CDIN1: variants seen among roughly 807,000 people sequenced by gnomAD.
The protein encoded by CDIN1 is CDAN1-interacting nuclease 1.
Under a neutral mutation model 45.3 loss-of-function variants are expected in CDIN1, and 33 were observed. The observed-to-expected ratio is 0.73, with a 90% CI of 0.55 to 0.97. The LOEUF is 0.97. Ranked by LOEUF, CDIN1 falls within the 50% of genes least tolerant of loss-of-function variation. The probability of loss-of-function intolerance (pLI) is 0.00; values close to 1 mark genes in which losing one functional copy is unlikely to be tolerated. For synonymous variants in CDIN1, 118 were observed against 124.4 expected (o/e 0.95, Z 0.34); for missense variants, 303 against 339.4 (o/e 0.89, Z 0.84).
At chr15:36,784,120 A>G (rs1015522992) in intron 10 of CDIN1, among the ~76,000 whole-genome samples, 1 of 152,212 alleles carries the variant, frequency 6.6e-6, no homozygotes, top group African/African-American at 2.4e-5. Flanking sequence ...AAGGCTGAAA[A>G]TATGCATTTT....
chr15:36,619,519 C>CTAT, intron 1 of CDIN1, among the ~76,000 whole-genome samples: 2 of 150,642 alleles, frequency 1.3e-5, no homozygotes, highest in South Asian at 2.1e-4. Context: ...ATCTATCTAT[C>CTAT]CATCCATCCA....
chr15:36,632,003 T>A (rs1423216096), intron 1 of CDIN1, among the ~76,000 whole-genome samples: 1 of 152,002 alleles, frequency 6.6e-6, no homozygotes, highest in Non-Finnish European at 1.5e-5. Context: ...GCTAGCTTTT[T>A]AAGGAATTTT....
At chr15:36,655,750 G>A (rs963588870) in intron 4 of CDIN1, among the ~76,000 whole-genome samples, 3 of 152,162 alleles carry the variant, frequency 2.0e-5, no homozygotes, top group Non-Finnish European at 4.4e-5. Context: ...GAATAAGCTA[G>A]CAGCATTCCA....
rs191176843 is a variant in CDIN1 at position 36,760,928 on chromosome 15, C to A, written c.717-47396C>A. On this transcript the variant is annotated intron_variant, in intron 10 of 10. Coordinates refer to ENST00000566621, the MANE Select transcript of CDIN1 (RefSeq NM_001321759.2). ...TCTGCAAGTAGTGTGTAAGTATGCC[C>A]ATTTCTCAGCACCCTGGCCCAAGTC... Among the ~76,000 whole-genome samples the A allele has an allele frequency of 1.9e-4, 29 of 152,252 alleles. No homozygotes were observed. In the East Asian group the frequency reaches 5.6e-3, roughly 29 times the overall value.
At chr15:36,638,888 A>G (rs1182615463) in intron 1 of CDIN1, among the ~76,000 whole-genome samples, 1 of 152,226 alleles carries the variant, frequency 6.6e-6, no homozygotes, top group African/African-American at 2.4e-5. Flanking sequence ...TGCAGAACTC[A>G]TTTCTGGGAA....
intron 1 of CDIN1, among the ~76,000 whole-genome samples, chr15:36,605,335 A>C (rs73379840): frequency 6.6e-6 from 1 of 152,310 alleles, no homozygotes; most frequent in Non-Finnish European, 1.5e-5. Flanking sequence ...TAAAGTTTAT[A>C]TAAATCAATA....
In CDIN1 at chr15:36,808,749, T is replaced by G; in HGVS notation, c.*296T>G. On this transcript the variant is annotated 3_prime_UTR_variant, in exon 11 of 11. Coordinates refer to ENST00000566621, the MANE Select transcript of CDIN1 (RefSeq NM_001321759.2). Reference sequence around the variant, plus strand: ...TAATCTTTCTTTCTTCCGGATGGTTTATCCTTGTATGCTGAACAAAAGAAA... The same window carrying G: ...TAATCTTTCTTTCTTCCGGATGGTTGATCCTTGTATGCTGAACAAAAGAAA... 4.4e-6 allele frequency: 2 copies of G among 453,686 alleles called. No homozygotes were observed. Among genetic ancestry groups the G allele is most frequent in the Non-Finnish European group, 8.4e-6 (2 of 239,292 alleles). 28.1% of individuals were successfully genotyped at this position (453,686 alleles called of 1,614,324 possible). A position where few individuals can be genotyped will look rare whatever the true frequency, so the allele number is the denominator to read the frequency against.
chr15:36,589,598 T>C (rs1371811743), intron 1 of CDIN1, among the ~76,000 whole-genome samples: 7 of 151,538 alleles, frequency 4.6e-5, no homozygotes, highest in South Asian at 2.1e-4. Flanking sequence ...CTCCGCCTCC[T>C]GGGTTCACGC....
At chr15:36,709,185 A>G (rs1231918381) in intron 8 of CDIN1, 38 bp from the exon 9 acceptor site, 1 of 1,528,904 alleles carries the variant, frequency 6.5e-7, no homozygotes, top group Non-Finnish European at 8.9e-7. Flanking sequence ...TGTTAATTGA[A>G]TAGTGTTTTA....
At chr15:36,595,341 A>ATAATATAATATAATATAAT in intron 1 of CDIN1, among the ~76,000 whole-genome samples, 1 of 120,480 alleles carries the variant, frequency 8.3e-6, no homozygotes, top group South Asian at 2.9e-4. Flanking sequence ...TATAATATAA[A>ATAATATAATATAATATAAT]ATAATATGAT....
Position 36,633,503 on chromosome 15 carries a change from C to T in CDIN1, c.102-10775C>T, listed in dbSNP as rs565069803. On this transcript the variant is annotated intron_variant, in intron 1 of 10. Transcript: ENST00000566621. ...AATGTGAATGTAATTCTATAATGTG[C>T]TTTTTTTGGGTAAACACTACATTTT... is the stretch of plus-strand genomic sequence containing the variant. 2.6e-3 allele frequency among the ~76,000 whole-genome samples: 395 copies of T among 151,992 alleles called. 2 individuals carry two copies. Among genetic ancestry groups the T allele is most frequent in the African/African-American group, 8.9e-3 (371 of 41,486 alleles).
intron 8 of CDIN1, among the ~76,000 whole-genome samples, chr15:36,700,632 A>G (rs1409522707): frequency 6.6e-6 from 1 of 151,224 alleles, no homozygotes. Context: ...GGTTGGCTCT[A>G]TTGCCAGTAG....
At chr15:36,785,455 C>T (rs1595595691) in intron 10 of CDIN1, among the ~76,000 whole-genome samples, 1 of 151,842 alleles carries the variant, frequency 6.6e-6, no homozygotes, top group African/African-American at 2.4e-5. Flanking sequence ...CTTACTAACC[C>T]GGGAGTCGAG....
chr15:36,668,947 A>G (rs2041348479), intron 5 of CDIN1: 1 of 152,128 alleles, frequency 6.6e-6, no homozygotes, highest in African/African-American at 2.4e-5. Context: ...TTTTATAGTA[A>G]TAGGCAGTAA....
intron 10 of CDIN1, among the ~76,000 whole-genome samples, chr15:36,802,859 A>C (rs2055096861): frequency 6.6e-6 from 1 of 152,110 alleles, no homozygotes; most frequent in African/African-American, 2.4e-5. Context: ...TTTTTCTCCA[A>C]AACTAAGAAT....
chr15:36,803,646 T>C (rs1198537872), intron 10 of CDIN1, among the ~76,000 whole-genome samples: 2 of 152,212 alleles, frequency 1.3e-5, no homozygotes, highest in Non-Finnish European at 2.9e-5. Context: ...CAAAATCTAA[T>C]TCTTGGCTAC....
At chr15:36,597,867 A>G (rs2037911569) in intron 1 of CDIN1, among the ~76,000 whole-genome samples, 1 of 152,150 alleles carries the variant, frequency 6.6e-6, no homozygotes, top group Non-Finnish European at 1.5e-5. Flanking sequence ...TGTAGTATCT[A>G]CACCTTGAAA....
intron 3 of CDIN1, among the ~76,000 whole-genome samples, chr15:36,646,467 G>C (rs2040334191): frequency 6.7e-6 from 1 of 149,994 alleles, no homozygotes; most frequent in Non-Finnish European, 1.5e-5. Flanking sequence ...GTCTAGGAGA[G>C]ATCCTCTCTA....
At chr15:36,697,255 A>C in intron 7 of CDIN1, 68 bp from the exon 8 acceptor site, 1 of 1,342,278 alleles carries the variant, frequency 7.5e-7, no homozygotes, top group East Asian at 2.3e-5. Flanking sequence ...CAAAGTATAG[A>C]CCTGGTATTA....
Sources: gnomAD v4.1 joint callset for allele counts (sites outside exome capture counted in the v4.1 genomes callset) on GRCh38, gnomAD v4.1.1 for gene constraint, MANE v1.5 for transcripts, NCBI Gene and HGNC (gene_info 2026-07-23, HGNC 2026-07-21) for gene names.